Variants in ANO2 observed in about 807,000 individuals in gnomAD.
ANO2 encodes the protein anoctamin 2.
ANO2 carries 101 observed loss-of-function variants against 124.2 expected under a neutral mutation model. That is an observed-to-expected ratio of 0.81 (90% CI 0.69 to 0.96). ANO2 has a LOEUF of 0.96. Among genes scored for constraint, ANO2 ranks in the 40% least tolerant of loss-of-function variants. The probability of loss-of-function intolerance (pLI) is 0.00; values close to 1 mark genes in which losing one functional copy is unlikely to be tolerated. For synonymous variants in ANO2, 486 were observed against 482.5 expected (o/e 1.01, Z -0.09); for missense variants, 1,293 against 1,274.5 (o/e 1.01, Z -0.22).
chr12:5,640,233 T>G (rs1946267855), intron 15 of ANO2, among the ~76,000 whole-genome samples: 2 of 152,170 alleles, frequency 1.3e-5, no homozygotes, highest in East Asian at 3.9e-4. Flanking sequence ...ATGCCCATGG[T>G]CCTGGCATCT....
chr12:5,635,322 A>G lies in ANO2; in HGVS notation c.1646T>C (p.Phe549Ser). 6.3e-7 allele frequency: 1 copy of G among 1,586,564 alleles called. No homozygotes were observed. Residue 549 changes from phenylalanine (F) to serine (S), a missense_variant, in exon 16 of 25, where the codon TTT becomes TCT. Phe to Ser is a radical substitution (Grantham distance 155). Transcript: ENST00000682330. This position sits in a 1 kb window ranked among gnomAD's most constrained non-coding sequence, Gnocchi z 5.2. ...TGTTATTCGATACACTATCACCCCA[A>G]AGACGATTGAGAATGTCAGGGCAAT... ...FMIALTFSIV[F>S]GVIVYRITTA...
chr12:5,599,520 G>C lies in ANO2; in HGVS notation c.2197C>G (p.Pro733Ala). Residue 733 changes from proline to alanine, a missense_variant, in exon 20 of 25, where the codon CCA becomes GCA. By Grantham distance (27) the Pro-to-Ala change is conservative (BLOSUM62 -1). Coordinates refer to ENST00000682330, the MANE Select transcript of ANO2 (RefSeq NM_001364791.2). ...TACTCCGGAGTCAGTCCTGTGTATG[G>C]TTCCAAGCTGTAGTCTAGGTCCCAC... ...EQWDLDYSLE[P>A]YTGLTPEYME... 6.2e-7 allele frequency: 1 copy of C among 1,613,608 alleles called. No individual in the cohort carries two copies. The highest frequency in any genetic ancestry group is 8.5e-7 in the Non-Finnish European group (1 of 1,179,784).
At chr12:5,822,722 G>A (rs574845496) in intron 7 of ANO2, among the ~76,000 whole-genome samples, 1 of 152,300 alleles carries the variant, frequency 6.6e-6, no homozygotes, top group African/African-American at 2.4e-5. Flanking sequence ...CTTACTCAGG[G>A]TATGGGTTTT....
At chr12:5,935,869 C>T (rs929198856) in intron 1 of ANO2, among the ~76,000 whole-genome samples, 1 of 152,120 alleles carries the variant, frequency 6.6e-6, no homozygotes, top group Non-Finnish European at 1.5e-5. Context: ...GGGTTGAGAC[C>T]ATTAGTCTAG....
At chr12:5,646,436 C>T (rs1265355035) in intron 15 of ANO2, among the ~76,000 whole-genome samples, 1 of 151,960 alleles carries the variant, frequency 6.6e-6, no homozygotes, top group Non-Finnish European at 1.5e-5. Context: ...TTATTTTTAC[C>T]TATTTTTTAT....
At chr12:5,644,104 G>T (rs980467946) in intron 15 of ANO2, among the ~76,000 whole-genome samples, 1 of 151,998 alleles carries the variant, frequency 6.6e-6, no homozygotes, top group East Asian at 1.9e-4. Flanking sequence ...CTACCCCAAG[G>T]TCATGAAAAT....
At chr12:5,726,012 C>T (rs1021156010) in intron 14 of ANO2, among the ~76,000 whole-genome samples, 1 of 151,986 alleles carries the variant, frequency 6.6e-6, no homozygotes, top group Non-Finnish European at 1.5e-5. Flanking sequence ...TTGCCATCTG[C>T]ACTCAACTTA....
chr12:5,575,957 T>C lies in ANO2; in HGVS notation c.2498A>G (p.Tyr833Cys), dbSNP rs780446321. 39 of 1,613,010 alleles carry C rather than the reference T, an allele frequency of 2.4e-5. No homozygotes were observed. The highest frequency in any genetic ancestry group is 2.5e-5 in the Non-Finnish European group (29 of 1,179,586). Residue 833 changes from tyrosine (Y) to cysteine (C), a missense_variant, in exon 23 of 25, where the codon TAC becomes TGC. Coordinates refer to ENST00000682330, the MANE Select transcript of ANO2 (RefSeq NM_001364791.2). ...FIPRLVYQYS[Y>C]SHNGTLHGFV... ...GCCGTGCAGAGTCCCATTGTGACTG[T>C]AGGAGTACTGGTACACCAGGCGGGG...
At chr12:5,596,942 T>A (rs530199802) in intron 20 of ANO2, among the ~76,000 whole-genome samples, 1 of 152,236 alleles carries the variant, frequency 6.6e-6, no homozygotes, top group South Asian at 2.1e-4. Flanking sequence ...CTTTTTTTAA[T>A]AGGCAAGCAA....
intron 10 of ANO2, among the ~76,000 whole-genome samples, chr12:5,796,515 A>T (rs1183186584): frequency 2.0e-5 from 3 of 151,544 alleles, no homozygotes; most frequent in Admixed American, 6.6e-5. Context: ...TCTCACACGA[A>T]CACATTCTCA....
intron 8 of ANO2, 95 bp downstream of exon 8, chr12:5,807,218 C>A: frequency 2.8e-6 from 3 of 1,066,700 alleles, no homozygotes; most frequent in South Asian, 3.3e-5. Flanking sequence ...CCTGCCTCAC[C>A]CTGCAGGTAT....
chr12:5,580,941 C>T (rs1484002516), intron 20 of ANO2, among the ~76,000 whole-genome samples: 4 of 152,184 alleles, frequency 2.6e-5, no homozygotes, highest in African/African-American at 7.2e-5. Context: ...AGAGTGATCA[C>T]CTGACTAGCT....
At chr12:5,889,260 C>G (rs1049262059) in intron 3 of ANO2, among the ~76,000 whole-genome samples, 5 of 152,210 alleles carry the variant, frequency 3.3e-5, no homozygotes, top group Non-Finnish European at 5.9e-5. Context: ...CTGAGGGAGC[C>G]GACTCCGGCC....
At chr12:5,744,370 CA>C (rs1750390694) in intron 11 of ANO2, 53 bp from the exon 12 acceptor site, 2 of 1,596,672 alleles carry the variant, frequency 1.3e-6, no homozygotes, top group African/African-American at 2.7e-5. Context: ...TGGTCCACTC[CA>C]AGAAAAATAC....
chr12:5,696,112 G>C (rs537434743), intron 14 of ANO2, among the ~76,000 whole-genome samples: 1 of 151,880 alleles, frequency 6.6e-6, no homozygotes, highest in South Asian at 2.1e-4. Context: ...ACAGAGTTCA[G>C]TCCAAAGAAA....
chr12:5,860,983 A>G (rs1317384124), intron 3 of ANO2, among the ~76,000 whole-genome samples: 1 of 152,178 alleles, frequency 6.6e-6, no homozygotes, highest in Non-Finnish European at 1.5e-5. Flanking sequence ...CAAGCATTAG[A>G]CTGCCATGAT....
At chr12:5,887,764 T>C (rs1028813081) in intron 3 of ANO2, among the ~76,000 whole-genome samples, 2 of 152,156 alleles carry the variant, frequency 1.3e-5, no homozygotes, top group African/African-American at 2.4e-5. Context: ...CTGAGCTTTT[T>C]ACAAGCGTTA....
At chr12:5,798,869 C>A (rs2137161900) in intron 10 of ANO2, among the ~76,000 whole-genome samples, 1 of 152,344 alleles carries the variant, frequency 6.6e-6, no homozygotes, top group Admixed American at 6.5e-5. Context: ...TTCTAGAGCC[C>A]TGAAGCCATT....
chr12:5,606,332 C>G (rs145029630), intron 19 of ANO2, among the ~76,000 whole-genome samples: 341 of 152,302 alleles, frequency 2.2e-3, no homozygotes, highest in African/African-American at 7.9e-3. Flanking sequence ...TTCAGTCTCT[C>G]TCATTACCAT....
Sources: gnomAD v4.1 joint callset for allele counts (sites outside exome capture counted in the v4.1 genomes callset) on GRCh38, gnomAD v4.1.1 for gene constraint, Gnocchi (gnomAD v3.1) non-coding constraint, MANE v1.5 for transcripts, NCBI Gene and HGNC (gene_info 2026-07-23, HGNC 2026-07-21) for gene names.